Variants in CSMD1 observed in about 807,000 individuals in gnomAD.
The protein encoded by CSMD1 is CUB and sushi domain-containing protein 1.
A neutral mutation model predicts 417.5 loss-of-function variants in CSMD1; 213 were observed. The observed-to-expected ratio is 0.51, with a 90% confidence interval of 0.46 to 0.57. The LOEUF is 0.57. CSMD1 is among the 20% of genes least tolerant of loss of function. The pLI is 0.00. For synonymous variants in CSMD1, 2,862 were observed against 1,736.8 expected (o/e 1.65, Z -16.11); for missense variants, 6,923 against 4,529.7 (o/e 1.53, Z -15.17).
intron 10 of CSMD1, among the ~76,000 whole-genome samples, chr8:3,532,222 G>C (rs1415264528): frequency 5.3e-5 from 8 of 152,058 alleles, no homozygotes; most frequent in Admixed American, 1.3e-4. Context: ...TGATTTCCTT[G>C]GGTGTGAGAC....
intron 6 of CSMD1, among the ~76,000 whole-genome samples, chr8:3,735,128 T>C (rs1796466407): frequency 6.6e-6 from 1 of 152,222 alleles, no homozygotes; most frequent in African/African-American, 2.4e-5. Context: ...CTCTTTTCAA[T>C]CACCAGCATT....
intron 59 of CSMD1, among the ~76,000 whole-genome samples, chr8:2,964,863 T>C (rs1326761578): frequency 6.6e-6 from 1 of 152,192 alleles, no homozygotes; most frequent in Admixed American, 6.5e-5. Flanking sequence ...TTTAAGCCTC[T>C]GCCACATTTA....
intron 5 of CSMD1, among the ~76,000 whole-genome samples, chr8:3,927,825 C>G (rs944136897): frequency 6.6e-6 from 1 of 152,122 alleles, no homozygotes; most frequent in African/African-American, 2.4e-5. Context: ...AAATATGTCT[C>G]TCAGTGATGT....
intron 5 of CSMD1, among the ~76,000 whole-genome samples, chr8:3,889,488 T>C (rs1239059492): frequency 9.5e-6 from 1 of 105,446 alleles, no homozygotes; most frequent in South Asian, 3.3e-4. Flanking sequence ...TATATATATA[T>C]ATATAAAATA....
At position 2,957,696 on chromosome 8, in the gene CSMD1, G is replaced by C. The variant is rs375235461; in HGVS notation, c.9814C>G (p.Pro3272Ala). Residue 3272 changes from proline to alanine, a missense_variant and splice_region_variant, in exon 63 of 70, where the codon CCT becomes GCT. Pro to Ala is a conservative substitution (Grantham distance 27). Coordinates refer to ENST00000635120, the MANE Select transcript of CSMD1 (RefSeq NM_033225.6). ...TWSGIQTECI[P>A]HACRQPETPA... ...TGGGGGTGGAAGAAATCACACTTAC[G>C]TATACATTCGGTCTGTATCCCACTC... 6.4e-6 allele frequency: 10 copies of C among 1,561,900 alleles called. 1 individual carries two copies. In the Admixed American group the frequency reaches 1.1e-4, roughly 17 times the overall value.
intron 5 of CSMD1, among the ~76,000 whole-genome samples, 180 bp from the exon 6 acceptor site, chr8:3,754,222 A>T (rs1436707726): frequency 6.6e-6 from 1 of 152,156 alleles, no homozygotes; most frequent in Admixed American, 6.6e-5. Context: ...CTTTGCCCAA[A>T]CATAAATGCT....
chr8:4,111,889 A>G (rs1463506793), intron 3 of CSMD1, among the ~76,000 whole-genome samples: 1 of 152,152 alleles, frequency 6.6e-6, no homozygotes, highest in African/African-American at 2.4e-5. Flanking sequence ...TATGTAAGAA[A>G]CCTGCACATC....
rs147983011 is a variant in CSMD1, at chr8:4,832,172, G to C, written c.85+162160C>G. ...ATTTTAATTACACTCACGTACATCA[G>C]CAAACATGCATGGAACGCCCTGAGT... On this transcript the variant is annotated intron_variant, in intron 1 of 69. Transcript: ENST00000635120. Among the ~76,000 whole-genome samples the C allele has an allele frequency of 5.3e-3, 803 of 152,304 alleles. 6 individuals carry two copies. Among genetic ancestry groups the C allele is most frequent in the African/African-American group, 0.017 (726 of 41,562 alleles).
intron 3 of CSMD1, among the ~76,000 whole-genome samples, chr8:4,106,376 A>T (rs1396559048): frequency 2.0e-5 from 3 of 152,210 alleles, no homozygotes; most frequent in Non-Finnish European, 4.4e-5. Context: ...ATTCAATTAC[A>T]ATGCTGCATA....
chr8:3,512,092 A>G (rs1350309304), intron 10 of CSMD1, among the ~76,000 whole-genome samples: 1 of 152,006 alleles, frequency 6.6e-6, no homozygotes, highest in African/African-American at 2.4e-5. Flanking sequence ...CTGTGATTTG[A>G]CCTCCTCATA....
chr8:4,939,952 A>G (rs76653051), intron 1 of CSMD1, among the ~76,000 whole-genome samples: 35,132 of 152,106 alleles, frequency 0.23, 4,189 homozygotes, highest in East Asian at 0.38. Flanking sequence ...ATAAATTTAA[A>G]AAAAGATTGG....
intron 3 of CSMD1, among the ~76,000 whole-genome samples, chr8:4,117,850 CAG>C (rs1802247885): frequency 6.7e-6 from 1 of 150,018 alleles, no homozygotes; most frequent in Admixed American, 6.7e-5. Context: ...AAACAAAAGA[CAG>C]AGACTCAGGG....
intron 25 of CSMD1, among the ~76,000 whole-genome samples, chr8:3,288,875 TACAG>T (rs1803346647): frequency 6.8e-6 from 1 of 147,096 alleles, no homozygotes. Flanking sequence ...GTGCACAACC[TACAG>T]GTTTGTTGCA....
At chr8:4,578,676 A>G (rs904914491) in intron 2 of CSMD1, among the ~76,000 whole-genome samples, 1 of 150,834 alleles carries the variant, frequency 6.6e-6, no homozygotes, top group South Asian at 2.1e-4. Flanking sequence ...TTAGCTGGAC[A>G]TGGTGGCAGG....
intron 51 of CSMD1, among the ~76,000 whole-genome samples, chr8:3,019,062 C>G (rs142197674): frequency 6.6e-6 from 1 of 152,090 alleles, no homozygotes; most frequent in Non-Finnish European, 1.5e-5. Flanking sequence ...CGATTAAAGG[C>G]GCCTGCCACC....
chr8:3,841,439 T>A (rs1414558364), intron 5 of CSMD1, among the ~76,000 whole-genome samples: 2 of 152,158 alleles, frequency 1.3e-5, no homozygotes, highest in African/African-American at 4.8e-5. Context: ...AAAACAATCT[T>A]TGACATTCTT....
intron 6 of CSMD1, among the ~76,000 whole-genome samples, chr8:3,735,937 A>G (rs1005059818): frequency 5.3e-5 from 8 of 151,780 alleles, no homozygotes; most frequent in Non-Finnish European, 1.0e-4. Flanking sequence ...CTTTCTTGCT[A>G]GGGAAAGAAA....
At chr8:3,503,970 T>A (rs2117357729) in intron 10 of CSMD1, among the ~76,000 whole-genome samples, 1 of 152,154 alleles carries the variant, frequency 6.6e-6, no homozygotes, top group South Asian at 2.1e-4. Flanking sequence ...AAGAAGTGGT[T>A]GATTTTGGGG....
intron 5 of CSMD1, among the ~76,000 whole-genome samples, chr8:3,940,215 C>T (rs1020466723): frequency 5.3e-5 from 8 of 151,244 alleles, no homozygotes; most frequent in Admixed American, 2.6e-4. Context: ...AGTTCTACCA[C>T]CAAAAAACAG....
Sources: gnomAD v4.1 joint callset for allele counts (sites outside exome capture counted in the v4.1 genomes callset) on GRCh38, gnomAD v4.1.1 for gene constraint, MANE v1.5 for transcripts, NCBI Gene and HGNC (gene_info 2026-07-23, HGNC 2026-07-21) for gene names.